GPC6: variants seen among roughly 807,000 people sequenced by gnomAD.
GPC6 encodes the protein glypican 6.
Under a neutral mutation model 55.2 loss-of-function variants are expected in GPC6, and 14 were observed. That is an observed-to-expected ratio of 0.25 (90% CI 0.17 to 0.40). The LOEUF is 0.40. GPC6 is among the 10% of genes least tolerant of loss of function. The pLI is 1.00. For synonymous variants in GPC6, 278 were observed against 259.6 expected, an observed-to-expected ratio of 1.07 and a Z score of -0.68; for missense variants, 641 against 708.5, an observed-to-expected ratio of 0.90 and a Z score of 1.08.
chr13:93,379,431 C>T (rs1875063960), intron 1 of GPC6, among the ~76,000 whole-genome samples: 1 of 152,024 alleles, frequency 6.6e-6, no homozygotes, highest in Non-Finnish European at 1.5e-5. Context: ...AAATAAGTGA[C>T]CAGTCTATTT....
intron 4 of GPC6, among the ~76,000 whole-genome samples, chr13:94,076,556 T>C (rs533937898): frequency 2.0e-5 from 3 of 152,002 alleles, no homozygotes; most frequent in Non-Finnish European, 1.5e-5. Flanking sequence ...TTATTGCTAA[T>C]GCCAATGTCA....
chr13:94,205,495 G>A (rs1333314658), intron 4 of GPC6, among the ~76,000 whole-genome samples: 1 of 152,188 alleles, frequency 6.6e-6, no homozygotes, highest in Non-Finnish European at 1.5e-5. Context: ...TCCTCTACCA[G>A]GTTAGAGCAG....
At chr13:94,065,632 A>T (rs1884491568) in intron 4 of GPC6, among the ~76,000 whole-genome samples, 1 of 152,214 alleles carries the variant, frequency 6.6e-6, no homozygotes, top group Non-Finnish European at 1.5e-5. Context: ...GAACCTCTGA[A>T]TTTTGACTAT....
chr13:93,993,602 T>G (rs1352538119), intron 3 of GPC6, among the ~76,000 whole-genome samples: 1 of 152,108 alleles, frequency 6.6e-6, no homozygotes, highest in African/African-American at 2.4e-5. Context: ...AGACTCTTAT[T>G]TTTTCAAAAT....
intron 3 of GPC6, among the ~76,000 whole-genome samples, chr13:94,010,031 C>T (rs1882179750): frequency 6.6e-6 from 1 of 152,112 alleles, no homozygotes; most frequent in East Asian, 1.9e-4. Context: ...AGTAAACAGA[C>T]AGCATTTGAA....
chr13:93,998,686 A>C (rs1421288229), intron 3 of GPC6, among the ~76,000 whole-genome samples: 3 of 152,106 alleles, frequency 2.0e-5, no homozygotes, highest in Non-Finnish European at 4.4e-5. Flanking sequence ...CTAACTTATA[A>C]GATTTTTAAA....
At chr13:93,458,863 G>A (rs12583509) in intron 1 of GPC6, among the ~76,000 whole-genome samples, 32,855 of 151,958 alleles carry the variant, frequency 0.22, 3,665 homozygotes, top group Middle Eastern at 0.28. Context: ...GTTGCACAGG[G>A]CGCATGATTT....
At chr13:94,109,889 G>A (rs140174151) in intron 4 of GPC6, among the ~76,000 whole-genome samples, 180 of 152,040 alleles carry the variant, frequency 1.2e-3, no homozygotes, top group African/African-American at 4.1e-3. Flanking sequence ...AAGTGTTCTA[G>A]TCATTGTGGC....
intron 4 of GPC6, among the ~76,000 whole-genome samples, chr13:94,197,400 T>C (rs971056316): frequency 6.6e-6 from 1 of 152,178 alleles, no homozygotes; most frequent in Non-Finnish European, 1.5e-5. Context: ...ACTGGGTGTC[T>C]TAAACAACAG....
At chr13:94,226,984 T>C (rs1279757229) in intron 4 of GPC6, among the ~76,000 whole-genome samples, 3 of 152,166 alleles carry the variant, frequency 2.0e-5, no homozygotes, top group Non-Finnish European at 4.4e-5. Context: ...CTGATTGTTC[T>C]AGGCAAGTCA....
chr13:93,862,325 G>A (rs1437410298), intron 3 of GPC6, among the ~76,000 whole-genome samples: 4 of 151,506 alleles, frequency 2.6e-5, no homozygotes, highest in African/African-American at 9.7e-5. Flanking sequence ...GGGAAAATAA[G>A]CCAGCCTAAG....
chr13:94,297,572 T>C (rs1875411231), intron 5 of GPC6, among the ~76,000 whole-genome samples: 1 of 152,220 alleles, frequency 6.6e-6, no homozygotes, highest in African/African-American at 2.4e-5. Context: ...GGGAAAAATA[T>C]CTTCTCATGC....
chr13:94,039,145 T>G (rs1315154411), intron 4 of GPC6, among the ~76,000 whole-genome samples: 1 of 151,980 alleles, frequency 6.6e-6, no homozygotes, highest in African/African-American at 2.4e-5. Context: ...TGAAATAGAC[T>G]TACTTGCTGT....
intron 2 of GPC6, among the ~76,000 whole-genome samples, chr13:93,829,949 G>T (rs761336064): frequency 6.6e-6 from 1 of 152,112 alleles, no homozygotes; most frequent in African/African-American, 2.4e-5. Flanking sequence ...GAAATCATGG[G>T]GTATTCTGTT....
chr13:93,809,552 C>T (rs2138949058), intron 2 of GPC6, among the ~76,000 whole-genome samples: 1 of 152,276 alleles, frequency 6.6e-6, no homozygotes, highest in African/African-American at 2.4e-5. Flanking sequence ...CACTTCTTGT[C>T]CCCCATCAGT....
intron 4 of GPC6, among the ~76,000 whole-genome samples, chr13:94,157,165 G>A (rs1887980137): frequency 1.3e-5 from 2 of 152,260 alleles, no homozygotes; most frequent in Non-Finnish European, 1.5e-5. Context: ...TGGGCAAGGT[G>A]ATTTTACCTG....
At chr13:94,243,192 A>C (rs2139028304) in intron 4 of GPC6, among the ~76,000 whole-genome samples, 1 of 152,204 alleles carries the variant, frequency 6.6e-6, no homozygotes, top group South Asian at 2.1e-4. Flanking sequence ...AAAACAAATC[A>C]CATGTAAAAT....
At chr13:93,419,336 T>C (rs1286390133) in intron 1 of GPC6, among the ~76,000 whole-genome samples, 1 of 151,928 alleles carries the variant, frequency 6.6e-6, no homozygotes, top group Non-Finnish European at 1.5e-5. Context: ...GAGCTTTTTA[T>C]GGCTCAGTTC....
intron 4 of GPC6, among the ~76,000 whole-genome samples, chr13:94,198,835 GC>G (rs1889663151): frequency 6.6e-6 from 1 of 152,180 alleles, no homozygotes; most frequent in African/African-American, 2.4e-5. Flanking sequence ...TCAACCCCCT[GC>G]CGGAGCTGGG....
Sources: allele counts gnomAD v4.1 joint callset (sites outside exome capture counted in the v4.1 genomes callset), GRCh38; gene constraint gnomAD v4.1.1; transcripts MANE v1.5; gene names NCBI Gene and HGNC (gene_info 2026-07-23, HGNC 2026-07-21).